GNAO1: variants seen among roughly 807,000 people sequenced by gnomAD.
The protein encoded by GNAO1 is guanine nucleotide-binding protein G(o) subunit alpha.
For synonymous variants in GNAO1, 164 were observed against 180.7 expected, an observed-to-expected ratio of 0.91 and a Z score of 0.74; for missense variants, 166 against 478.7, an observed-to-expected ratio of 0.35 and a Z score of 6.10.
intron 2 of GNAO1, among the ~76,000 whole-genome samples, chr16:56,216,631 C>T (rs2036439072): frequency 6.6e-6 from 1 of 152,194 alleles, no homozygotes; most frequent in Non-Finnish European, 1.5e-5. Context: ...CCTGATGTGG[C>T]TGTTAGGAGT....
chr16:56,304,237 C>T (rs935114333), intron 3 of GNAO1, among the ~76,000 whole-genome samples: 2 of 152,248 alleles, frequency 1.3e-5, no homozygotes, highest in South Asian at 2.1e-4. Context: ...GAGCCCCCTG[C>T]GTCTGCTTTT....
intron 2 of GNAO1, chr16:56,235,066 C>G (rs2036624571): frequency 3.1e-6 from 1 of 327,628 alleles, no homozygotes; most frequent in Non-Finnish European, 6.0e-6. Context: ...GCAAAAGACA[C>G]CTATTCGCTG....
chr16:56,255,103 T>C (rs1182298629), intron 2 of GNAO1, among the ~76,000 whole-genome samples: 1 of 152,216 alleles, frequency 6.6e-6, no homozygotes, highest in Non-Finnish European at 1.5e-5. Flanking sequence ...TTTTTAGCTT[T>C]GAGCTGTTGG....
At chr16:56,335,776 G>A (rs976607764) in intron 5 of GNAO1, among the ~76,000 whole-genome samples, 4 of 152,230 alleles carry the variant, frequency 2.6e-5, no homozygotes, top group Non-Finnish European at 2.9e-5. Context: ...CCAGCAAGGC[G>A]GGGTCTGAGA....
chr16:56,275,877 G>A, intron 2 of GNAO1, 54 bp from the exon 3 acceptor site: 1 of 1,516,870 alleles, frequency 6.6e-7, no homozygotes, highest in Non-Finnish European at 8.9e-7. Flanking sequence ...TGTGCTCTCT[G>A]TGTTGATGAG....
intron 3 of GNAO1, among the ~76,000 whole-genome samples, chr16:56,327,197 C>A (rs758601313): frequency 6.6e-6 from 1 of 152,064 alleles, no homozygotes; most frequent in Non-Finnish European, 1.5e-5. Flanking sequence ...GTACCAGGCT[C>A]CCCGAGTCCT....
At chr16:56,216,033 G>C (rs866058699) in intron 2 of GNAO1, among the ~76,000 whole-genome samples, 1 of 152,166 alleles carries the variant, frequency 6.6e-6, no homozygotes, top group African/African-American at 2.4e-5. Context: ...TCTCCAGCAG[G>C]TGCTAGGACC....
intron 3 of GNAO1, among the ~76,000 whole-genome samples, chr16:56,320,138 C>T (rs1467140955): frequency 6.6e-6 from 1 of 152,148 alleles, no homozygotes; most frequent in Admixed American, 6.5e-5. Context: ...GATCCTAAAC[C>T]CATAAGAATG....
chr16:56,313,220 G>C (rs2037476797), intron 3 of GNAO1, among the ~76,000 whole-genome samples: 1 of 152,110 alleles, frequency 6.6e-6, no homozygotes, highest in Non-Finnish European at 1.5e-5. Context: ...TATGATGCTT[G>C]GGAAAGAATG....
chr16:56,212,593 T>C (rs1403600516), intron 2 of GNAO1, among the ~76,000 whole-genome samples: 2 of 152,238 alleles, frequency 1.3e-5, no homozygotes, highest in East Asian at 3.8e-4. Flanking sequence ...TAGGATATAA[T>C]TGAGGACCTG....
chr16:56,340,204 C>G (rs2037787021), intron 6 of GNAO1: 1 of 152,204 alleles, frequency 6.6e-6, no homozygotes, highest in African/African-American at 2.4e-5. Flanking sequence ...GGCCCCTCTA[C>G]TGAGAAACCA....
At chr16:56,330,236 C>A (rs1235736953) in intron 4 of GNAO1, among the ~76,000 whole-genome samples, 1 of 152,196 alleles carries the variant, frequency 6.6e-6, no homozygotes, top group Non-Finnish European at 1.5e-5. Flanking sequence ...TCAGTGTCCA[C>A]CATTCCGTAT....
intron 2 of GNAO1, among the ~76,000 whole-genome samples, chr16:56,248,574 G>A (rs1013229865): frequency 6.6e-6 from 1 of 152,198 alleles, no homozygotes; most frequent in Admixed American, 6.5e-5. Flanking sequence ...GGGGCAGATA[G>A]GCTATGAAGA....
At chr16:56,254,245 A>G (rs1223791071) in intron 2 of GNAO1, among the ~76,000 whole-genome samples, 1 of 151,922 alleles carries the variant, frequency 6.6e-6, no homozygotes, top group African/African-American at 2.4e-5. Flanking sequence ...TGTTATCTTA[A>G]TTTTTGCCTA....
chr16:56,318,499 G>T (rs2037537307), intron 3 of GNAO1, among the ~76,000 whole-genome samples: 1 of 152,220 alleles, frequency 6.6e-6, no homozygotes, highest in Admixed American at 6.5e-5. Context: ...CTGCCCCCTG[G>T]TGGGTACAGG....
chr16:56,204,452 G>T (rs2036307364), intron 2 of GNAO1, among the ~76,000 whole-genome samples: 1 of 152,044 alleles, frequency 6.6e-6, no homozygotes, highest in South Asian at 2.1e-4. Context: ...CCAGGGAAGG[G>T]GTGCACCATT....
chr16:56,277,714 G>C (rs3827945), intron 3 of GNAO1, among the ~76,000 whole-genome samples: 79,673 of 150,616 alleles, frequency 0.53, 21,256 homozygotes, highest in Middle Eastern at 0.61. Context: ...CTTTGACTAA[G>C]TGGGGAGCGT....
At chr16:56,237,164 A>G (rs2036645465) in intron 2 of GNAO1, among the ~76,000 whole-genome samples, 1 of 152,236 alleles carries the variant, frequency 6.6e-6, no homozygotes, top group South Asian at 2.1e-4. Context: ...TCTCTCTTAT[A>G]ATTGTACATG....
intron 2 of GNAO1, 147 bp downstream of exon 2, chr16:56,192,763 A>G: frequency 1.8e-6 from 1 of 544,166 alleles, no homozygotes; most frequent in Non-Finnish European, 3.4e-6. Context: ...CCTATATTTG[A>G]CTCCCCTCCC....
Sources: gnomAD v4.1 joint callset for allele counts (sites outside exome capture counted in the v4.1 genomes callset) on GRCh38, gnomAD v4.1.1 for gene constraint, MANE v1.5 for transcripts, NCBI Gene and HGNC (gene_info 2026-07-23, HGNC 2026-07-21) for gene names.